The following ARHGAP20 variants were observed in gnomAD, a reference collection of about 807,000 sequenced individuals.
ARHGAP20 encodes rho GTPase-activating protein 20.
A neutral mutation model predicts 73.7 loss-of-function variants in ARHGAP20; 34 were observed. That is an observed-to-expected ratio of 0.46 (90% CI 0.35 to 0.61). The LOEUF is 0.61. ARHGAP20 is among the 20% of genes least tolerant of loss of function. The pLI is 0.00. For missense variants in ARHGAP20, 1,314 were observed against 1,420.9 expected (o/e 0.92, Z 1.21); for synonymous variants, 523 against 518.2 (o/e 1.01, Z -0.13).
At position 110,701,051 on chromosome 11, in the gene ARHGAP20, T is replaced by C. The variant is rs1208904725; in HGVS notation, c.106-10422A>G. 6.0e-5 allele frequency among the ~76,000 whole-genome samples: 9 copies of C among 149,996 alleles called. No homozygotes were observed. The South Asian group carries it at 6.4e-4, about 11-fold the overall frequency. Reference sequence around the variant, plus strand: ...TGTGAATAATGCCACAATAAACATATGTGTGCATGTGTCTTTATAGCAGCA... The same window carrying C: ...TGTGAATAATGCCACAATAAACATACGTGTGCATGTGTCTTTATAGCAGCA... On this transcript the variant is annotated intron_variant, in intron 1 of 14. Coordinates refer to ENST00000683387, the MANE Select transcript of ARHGAP20 (RefSeq NM_001384657.1).
intron 2 of ARHGAP20, among the ~76,000 whole-genome samples, chr11:110,670,833 T>C (rs1949813511): frequency 6.6e-6 from 1 of 151,986 alleles, no homozygotes; most frequent in Admixed American, 6.6e-5. Flanking sequence ...AAATCCCAAT[T>C]GGAGAACATT....
chr11:110,648,194 TATATATATATATGTAA>T (rs1202114933), intron 2 of ARHGAP20, among the ~76,000 whole-genome samples: 1,472 of 84,524 alleles, frequency 0.017, 42 homozygotes, highest in African/African-American at 0.071. Flanking sequence ...TATATGTAAA[TATATATATATATGTAA>T]ATATATATAT....
intron 1 of ARHGAP20, among the ~76,000 whole-genome samples, chr11:110,710,782 CACCG>C (rs957548274): frequency 1.2e-4 from 19 of 152,200 alleles, no homozygotes; most frequent in Admixed American, 1.1e-3. Flanking sequence ...ATACTCGGCA[CACCG>C]ATCACCTCTC....
chr11:110,630,517 C>T, intron 3 of ARHGAP20, 111 bp downstream of exon 3: 1 of 1,142,416 alleles, frequency 8.8e-7, no homozygotes, highest in Non-Finnish European at 1.2e-6. Flanking sequence ...TAGATATTAC[C>T]TATAGTAACA....
At chr11:110,592,316 G>A (rs766637251) in intron 9 of ARHGAP20, among the ~76,000 whole-genome samples, 161 bp from the exon 10 acceptor site, 9 of 152,002 alleles carry the variant, frequency 5.9e-5, no homozygotes, top group Admixed American at 2.6e-4. Flanking sequence ...ATTTCATTTC[G>A]TCTTTCATCT....
At chr11:110,583,470 T>A in intron 13 of ARHGAP20, 78 bp downstream of exon 13, 2 of 1,267,804 alleles carry the variant, frequency 1.6e-6, no homozygotes, top group Non-Finnish European at 2.1e-6. Context: ...TAAGAAATCA[T>A]CTTTTAGAAT....
At chr11:110,609,667 C>A (rs1184464649) in intron 7 of ARHGAP20, among the ~76,000 whole-genome samples, 1 of 152,128 alleles carries the variant, frequency 6.6e-6, no homozygotes, top group Non-Finnish European at 1.5e-5. Context: ...GAAAGAAATA[C>A]TAAATTATAC....
chr11:110,608,450 C>T (rs1294629992), intron 8 of ARHGAP20, among the ~76,000 whole-genome samples: 5 of 152,056 alleles, frequency 3.3e-5, no homozygotes, highest in Non-Finnish European at 4.4e-5. Flanking sequence ...AATTTAATTA[C>T]TGAAGTAGCA....
chr11:110,675,365 G>T (rs1274135386), intron 2 of ARHGAP20, among the ~76,000 whole-genome samples: 1 of 152,116 alleles, frequency 6.6e-6, no homozygotes, highest in Non-Finnish European at 1.5e-5. Context: ...CACACTTTGA[G>T]CTCTAACTTA....
In ARHGAP20 at chr11:110,606,674, G is replaced by C. The variant is rs2134876423; in HGVS notation, c.851C>G (p.Ser284Cys). ...CTCCTGGAGGTTGAAAGGGGTGGTA[G>C]AGTCCTTTGATCCCGGTGTCAGGAG... Reference protein sequence around the residue: ...SALLTPGSKDSTTPFNLQEPF... With the variant: ...SALLTPGSKDCTTPFNLQEPF... Residue 284 changes from serine (S) to cysteine (C), a missense_variant, in exon 9 of 15, where the codon TCT (serine) becomes TGT (cysteine). By Grantham distance (112) the Ser-to-Cys change is moderately radical (BLOSUM62 -1). Transcript: ENST00000683387. The C allele has an allele frequency of 1.2e-6, 2 of 1,606,252 alleles. No homozygotes were observed. The highest frequency in any genetic ancestry group is 1.8e-5 in the Admixed American group (1 of 57,080).
At chr11:110,630,491 G>T in intron 3 of ARHGAP20, 137 bp downstream of exon 3, 1 of 886,184 alleles carries the variant, frequency 1.1e-6, no homozygotes, top group East Asian at 2.6e-5. Flanking sequence ...TTGCAATGAA[G>T]GGCATAAAAT....
At position 110,580,645 on chromosome 11, in the gene ARHGAP20, G is replaced by A. The variant is rs1407241943; in HGVS notation, c.2301C>T (p.Val767=). 11 of 1,614,206 alleles carry A rather than the reference G, an allele frequency of 6.8e-6. No individual in the cohort carries two copies. The highest frequency in any genetic ancestry group is 1.7e-5 in the Admixed American group (1 of 60,026). ...FKQSLVTGTD[V]SKKNATTQNT... ...TTTGAGTAGTGGCATTTTTCTTGCT[G>A]ACATCAGTGCCTGTGACTAAACTCT... is the stretch of plus-strand genomic sequence containing the variant. The change falls in exon 15 of 15, where the codon GTC becomes GTT. Residue 767 remains valine, a synonymous_variant. Coordinates refer to ENST00000683387, the MANE Select transcript of ARHGAP20 (RefSeq NM_001384657.1).
chr11:110,596,733 C>T lies in ARHGAP20; in HGVS notation c.965-4578G>A, dbSNP rs993315993. Among the ~76,000 whole-genome samples the T allele has an allele frequency of 1.6e-4, 24 of 152,194 alleles. No individual in the cohort carries two copies. The East Asian group carries it at 3.1e-3, about 20-fold the overall frequency. On this transcript the variant is annotated intron_variant, in intron 9 of 14. Coordinates refer to ENST00000683387, the MANE Select transcript of ARHGAP20 (RefSeq NM_001384657.1). ...TCAACCATTGTGGAAGTCAGTATGG[C>T]GATTCCTCAGGGATCTAGAACTAGA... is the stretch of plus-strand genomic sequence containing the variant.
chr11:110,603,282 G>A (rs1948150221), intron 9 of ARHGAP20, among the ~76,000 whole-genome samples: 1 of 152,096 alleles, frequency 6.6e-6, no homozygotes, highest in Admixed American at 6.5e-5. Context: ...TGAACTCAGG[G>A]CCCAGATTGA....
At chr11:110,690,700 A>G in intron 1 of ARHGAP20, 71 bp from the exon 2 acceptor site, 1 of 1,467,094 alleles carries the variant, frequency 6.8e-7, no homozygotes. Flanking sequence ...TTTTTTTTAA[A>G]TCCAATTTAA....
At position 110,630,697 on chromosome 11, in the gene ARHGAP20, T is replaced by G. The variant is rs779625137; in HGVS notation, c.284A>C (p.Lys95Thr). Residue 95 changes from lysine (K) to threonine (T), a missense_variant, in exon 3 of 15, where the codon AAA (lysine) becomes ACA (threonine). This residue lies in a region of ARHGAP20 where 443 missense variants were observed against 466.4 expected (regional missense o/e 0.95). Transcript: ENST00000683387. ...TLLIDGRAEL[K>T]RGLQRQERHL... ...CCGCTCCTGCCTCTGGAGGCCTCTT[T>G]TGAGTTCTGCCCGGCCATCAATCAG... 6.2e-7 allele frequency: 1 copy of G among 1,614,008 alleles called. No individual in the cohort carries two copies. Among genetic ancestry groups the G allele is most frequent in the Admixed American group, 1.7e-5 (1 of 59,986 alleles).
At chr11:110,603,792 C>T (rs950068187) in intron 9 of ARHGAP20, among the ~76,000 whole-genome samples, 2 of 152,144 alleles carry the variant, frequency 1.3e-5, no homozygotes, top group African/African-American at 4.8e-5. Flanking sequence ...ATCAAAGAGA[C>T]ATATGCTCAA....
chr11:110,704,999 A>C lies in ARHGAP20; in HGVS notation c.105+7128T>G, dbSNP rs191367190. ...TGTTATGTACACACATATAACTTTG[A>C]TATTATATACCTATTTTTGTGACAC... On this transcript the variant is annotated intron_variant, in intron 1 of 14. Transcript: ENST00000683387. Among the ~76,000 whole-genome samples the C allele has an allele frequency of 3.9e-5, 6 of 152,272 alleles. No homozygotes were observed. In the East Asian group the frequency reaches 7.7e-4, roughly 20 times the overall value.
intron 4 of ARHGAP20, among the ~76,000 whole-genome samples, chr11:110,621,212 C>G (rs1358520857): frequency 6.6e-6 from 1 of 150,944 alleles, no homozygotes; most frequent in Non-Finnish European, 1.5e-5. Context: ...AGATCTTTCT[C>G]TTATTTTTGA....
Sources: gnomAD v4.1 joint callset for allele counts (sites outside exome capture counted in the v4.1 genomes callset) on GRCh38, gnomAD v4.1.1 for gene constraint, gnomAD v4.1.1 regional missense constraint, MANE v1.5 for transcripts, NCBI Gene and HGNC (gene_info 2026-07-23, HGNC 2026-07-21) for gene names.